The following NETO1 variants were observed in gnomAD, a reference collection of about 807,000 sequenced individuals.
The protein encoded by NETO1 is neuropilin and tolloid like 1, also known as neuropilin and tolloid-like protein 1.
NETO1 carries 26 observed loss-of-function variants against 61.3 expected under a neutral mutation model. That is an observed-to-expected ratio of 0.42 (90% confidence interval 0.31 to 0.59). The LOEUF is 0.59. Ranked by LOEUF, NETO1 falls within the 20% of genes least tolerant of loss-of-function variation. The pLI, the probability that NETO1 is intolerant of heterozygous loss-of-function variation, is 0.12. For missense variants in NETO1, 531 were observed against 662.8 expected (o/e 0.80, Z 2.18); for synonymous variants, 225 against 225.8 (o/e 1.00, Z 0.03).
chr18:72,792,818 A>G (rs1000024583), intron 6 of NETO1, among the ~76,000 whole-genome samples: 1 of 151,826 alleles, frequency 6.6e-6, no homozygotes, highest in African/African-American at 2.4e-5. Context: ...GTGCAATTAC[A>G]TTACTCCTGA....
In NETO1 at chr18:72,798,570, G is replaced by A. The variant is rs556629363; in HGVS notation, c.470-4166C>T. On this transcript the variant is annotated intron_variant, in intron 4 of 10. Transcript: ENST00000327305. ...GGTGGCAGGCTTTAAGTCAAAATCCGCCACTTATTTTAGTCCGCATGTGAC... is the reference window on the plus strand; with the variant it reads ...GGTGGCAGGCTTTAAGTCAAAATCCACCACTTATTTTAGTCCGCATGTGAC... Among the ~76,000 whole-genome samples the A allele has an allele frequency of 2.3e-4, 35 of 152,124 alleles. No homozygotes were observed. The South Asian group carries it at 6.4e-3, about 28-fold the overall frequency.
At chr18:72,754,010 G>A (rs560293137) in intron 8 of NETO1, among the ~76,000 whole-genome samples, 4 of 152,172 alleles carry the variant, frequency 2.6e-5, no homozygotes, top group Admixed American at 2.6e-4. Flanking sequence ...GTATTGTTGG[G>A]TATGTAACGT....
In NETO1 at chr18:72,840,496, G is replaced by C. The variant is rs138687095; in HGVS notation, c.469+18330C>G. On this transcript the variant is annotated intron_variant, in intron 4 of 10. Transcript: ENST00000327305. ...ACATTTCAAGCATCATCCTTCCAAC[G>C]ATATGAGCAATAGGAGGGCAATTAC... Among the ~76,000 whole-genome samples, 140 of 152,238 alleles carry C rather than the reference G, an allele frequency of 9.2e-4. 2 individuals carry two copies. The East Asian group carries it at 0.021, about 23-fold the overall frequency.
intron 4 of NETO1, among the ~76,000 whole-genome samples, chr18:72,827,736 AAG>A (rs1491038945): frequency 6.6e-6 from 1 of 151,714 alleles, no homozygotes; most frequent in Non-Finnish European, 1.5e-5. Flanking sequence ...AAAAAAAAAA[AAG>A]AAAGGGGAAA....
At chr18:72,829,489 C>T (rs1412813521) in intron 4 of NETO1, among the ~76,000 whole-genome samples, 2 of 152,108 alleles carry the variant, frequency 1.3e-5, no homozygotes, top group Non-Finnish European at 2.9e-5. Context: ...AGCAGTTTTA[C>T]AATCTTAACA....
chr18:72,844,627 C>T (rs2074030602), intron 4 of NETO1, among the ~76,000 whole-genome samples: 1 of 152,210 alleles, frequency 6.6e-6, no homozygotes, highest in Admixed American at 6.5e-5. Flanking sequence ...CTCACTCATT[C>T]TACATGCTTT....
intron 4 of NETO1, among the ~76,000 whole-genome samples, chr18:72,801,163 A>C (rs545166788): frequency 1.4e-4 from 22 of 152,316 alleles, no homozygotes; most frequent in African/African-American, 5.3e-4. Flanking sequence ...TCTACCTCAA[A>C]AGCCATGCAT....
At position 72,867,817 on chromosome 18, in the gene NETO1, C is replaced by G. The variant is rs1369969107; in HGVS notation, c.-526G>C. On this transcript the variant is annotated 5_prime_UTR_variant, in exon 1 of 11. Transcript: ENST00000327305. The stretch of plus-strand genomic sequence containing the variant: ...GCCGGCGGCGGCGGGGTGGCTCAGT[C>G]CCCAGTCTCAGACGCGCCGCGCAGC... 1 of 157,832 alleles carries G rather than the reference C, an allele frequency of 6.3e-6. No individual in the cohort carries two copies. The highest frequency in any genetic ancestry group is 2.4e-5 in the African/African-American group (1 of 41,026). 9.8% of individuals were successfully genotyped at this position (157,832 alleles called of 1,614,324 possible). A position where few individuals can be genotyped will look rare whatever the true frequency, so the allele number is the denominator to read the frequency against.
intron 8 of NETO1, among the ~76,000 whole-genome samples, chr18:72,755,608 G>A (rs1243691443): frequency 6.6e-6 from 1 of 152,130 alleles, no homozygotes; most frequent in Non-Finnish European, 1.5e-5. Context: ...GTAGCTGGAA[G>A]TAACTGAAAG....
At chr18:72,863,862 G>A in intron 3 of NETO1, among the ~76,000 whole-genome samples, 1 of 152,118 alleles carries the variant, frequency 6.6e-6, no homozygotes, top group African/African-American at 2.4e-5. Flanking sequence ...GGTACTAACA[G>A]TTGGAATACT....
In NETO1 at chr18:72,744,152, A is replaced by G. The variant is rs139371019; in HGVS notation, c.*4027T>C. ...ATAATACACAAGAAAGTACAGAATCAGAGGCTACAAGAAAATGATGAGTTG... is the reference window on the plus strand; with the variant it reads ...ATAATACACAAGAAAGTACAGAATCGGAGGCTACAAGAAAATGATGAGTTG... On this transcript the variant is annotated 3_prime_UTR_variant, in exon 11 of 11. Transcript: ENST00000327305. The G allele has an allele frequency of 6.6e-6, 1 of 152,338 alleles. No individual in the cohort carries two copies. The highest frequency in any genetic ancestry group is 1.9e-4 in the East Asian group (1 of 5,186). 9.4% of individuals were successfully genotyped at this position (152,338 alleles called of 1,614,324 possible).
intron 4 of NETO1, among the ~76,000 whole-genome samples, chr18:72,858,295 A>T (rs1369609027): frequency 6.6e-6 from 1 of 152,186 alleles, no homozygotes; most frequent in African/African-American, 2.4e-5. Flanking sequence ...GTAAATGAGT[A>T]TTTGGCTGTT....
Position 72,750,525 on chromosome 18 carries a change from A to T in NETO1, c.1078T>A (p.Ser360Thr). 1.2e-6 allele frequency: 2 copies of T among 1,614,040 alleles called. No homozygotes were observed. The highest frequency in any genetic ancestry group is 1.7e-6 in the Non-Finnish European group (2 of 1,179,986). The change falls in exon 9 of 11, where the codon TCT (serine) becomes ACT (threonine). Residue 360 changes from serine (S) to threonine (T), a missense_variant. By Grantham distance (58) the Ser-to-Thr change is moderately conservative. Coordinates refer to ENST00000327305, the MANE Select transcript of NETO1 (RefSeq NM_138966.5). ...SCIVIILIIISVIVQIKQPRK... is the reference protein window; with the variant it reads ...SCIVIILIIITVIVQIKQPRK... ...GGCTGTTTGATCTGTACGATGACAG[A>T]GATGATAATGAGGATGATCACGATG... is the stretch of plus-strand genomic sequence containing the variant.
intron 4 of NETO1, among the ~76,000 whole-genome samples, chr18:72,840,323 G>A (rs8094718): frequency 0.18 from 27,281 of 152,156 alleles, 2,963 homozygotes; most frequent in Middle Eastern, 0.28. Flanking sequence ...AGCTACCCAC[G>A]GGCTCACCAC....
intron 3 of NETO1, among the ~76,000 whole-genome samples, chr18:72,861,869 T>C (rs1481218590): frequency 1.3e-5 from 2 of 152,248 alleles, no homozygotes; most frequent in African/African-American, 4.8e-5. Flanking sequence ...ATGGGAGTGC[T>C]CATCGTTGTT....
At chr18:72,815,727 T>C (rs1201296586) in intron 4 of NETO1, among the ~76,000 whole-genome samples, 2 of 152,182 alleles carry the variant, frequency 1.3e-5, no homozygotes, top group South Asian at 2.1e-4. Flanking sequence ...TGCAACCATA[T>C]GCAGGACGAA....
intron 3 of NETO1, among the ~76,000 whole-genome samples, chr18:72,862,612 CTTTT>C (rs147165249): frequency 1.9e-5 from 2 of 106,900 alleles, no homozygotes; most frequent in Non-Finnish European, 4.3e-5. Context: ...ACTCATGATC[CTTTT>C]TTTTTCTTTT....
chr18:72,776,072 T>C (rs1006472817), intron 7 of NETO1, among the ~76,000 whole-genome samples: 2 of 152,156 alleles, frequency 1.3e-5, no homozygotes, highest in African/African-American at 4.8e-5. Flanking sequence ...AAAAGACGTA[T>C]GTAGCTCAGA....
At chr18:72,840,426 C>T (rs2145470501) in intron 4 of NETO1, among the ~76,000 whole-genome samples, 1 of 152,274 alleles carries the variant, frequency 6.6e-6, no homozygotes, top group South Asian at 2.1e-4. Flanking sequence ...TAAAGGCAAA[C>T]AAACACTGCA....
Sources: gnomAD v4.1 joint callset for allele counts (sites outside exome capture counted in the v4.1 genomes callset) on GRCh38, gnomAD v4.1.1 for gene constraint, MANE v1.5 for transcripts, NCBI Gene and HGNC (gene_info 2026-07-23, HGNC 2026-07-21) for gene names.